The following TMEM132B variants were observed in gnomAD, a reference collection of about 807,000 sequenced individuals.
TMEM132B encodes transmembrane protein 132B.
A neutral mutation model predicts 90.8 loss-of-function variants in TMEM132B; 18 were observed. The ratio of observed to expected loss-of-function variants is 0.20; its 90% CI spans 0.14 to 0.29. The LOEUF (loss-of-function observed/expected upper bound fraction) is 0.29, where lower values mean the gene tolerates loss of function less well. TMEM132B is among the 10% of genes least tolerant of loss of function. The probability of loss-of-function intolerance (pLI) is 1.00; values close to 1 mark genes in which losing one functional copy is unlikely to be tolerated. For synonymous variants in TMEM132B, 504 were observed against 523.3 expected (o/e 0.96, Z 0.50); for missense variants, 1,096 against 1,326.8 (o/e 0.83, Z 2.70).
At chr12:125,316,663 T>TG (rs542930965) in intron 1 of TMEM132B, among the ~76,000 whole-genome samples, 97 of 142,316 alleles carry the variant, frequency 6.8e-4, no homozygotes, top group Non-Finnish European at 1.0e-3. Flanking sequence ...TATAAAGACC[T>TG]GGGGCAGCTC....
At chr12:125,586,726 C>T (rs1333853902) in intron 5 of TMEM132B, 1 of 152,132 alleles carries the variant, frequency 6.6e-6, no homozygotes, top group African/African-American at 2.4e-5. Context: ...TGCTTGTGTT[C>T]AAGTCACCCT....
intron 5 of TMEM132B, among the ~76,000 whole-genome samples, chr12:125,604,286 G>A (rs1031590400): frequency 6.6e-6 from 1 of 151,876 alleles, no homozygotes; most frequent in South Asian, 2.1e-4. Flanking sequence ...ATGAGACTGT[G>A]TCCTTTTCAG....
chr12:125,473,475 C>T (rs956258565), intron 3 of TMEM132B, among the ~76,000 whole-genome samples: 2 of 152,240 alleles, frequency 1.3e-5, no homozygotes, highest in Non-Finnish European at 2.9e-5. Flanking sequence ...GACTTCCCAG[C>T]AGCTATCAAA....
intron 3 of TMEM132B, among the ~76,000 whole-genome samples, chr12:125,503,211 C>T (rs931768210): frequency 3.9e-5 from 6 of 152,166 alleles, no homozygotes; most frequent in East Asian, 3.9e-4. Flanking sequence ...GAGGCCCAAG[C>T]GCAGCCCCCT....
intron 2 of TMEM132B, among the ~76,000 whole-genome samples, chr12:125,372,845 C>A (rs551316168): frequency 6.6e-6 from 1 of 152,180 alleles, no homozygotes; most frequent in Admixed American, 6.5e-5. Flanking sequence ...GCCACACACA[C>A]CGTCTTTTCT....
chr12:125,240,622 G>A (rs898119390), intron 1 of TMEM132B, among the ~76,000 whole-genome samples: 16 of 152,210 alleles, frequency 1.1e-4, no homozygotes, highest in Admixed American at 9.2e-4. Context: ...AAAAGGACAT[G>A]CACCTTACTC....
intron 3 of TMEM132B, among the ~76,000 whole-genome samples, chr12:125,454,343 A>G (rs112889404): frequency 9.9e-4 from 151 of 152,112 alleles, no homozygotes; most frequent in African/African-American, 3.3e-3. Context: ...ACGCAGAAAG[A>G]TGGCAAAAGG....
rs568127539 is a variant in TMEM132B, at chr12:125,407,444, G to C, written c.960-8087G>C. On this transcript the variant is annotated intron_variant, in intron 2 of 8. Coordinates refer to ENST00000682704, the MANE Select transcript of TMEM132B (RefSeq NM_001366854.1). This position sits in a 1 kb window ranked among gnomAD's most constrained non-coding sequence, Gnocchi z 6.7. ...CACAGAGCAGGTTTCCTTTTGCCCA[G>C]CTAGGTGGTGGATGCTATGGGCTGG... Among the ~76,000 whole-genome samples the C allele has an allele frequency of 1.9e-4, 29 of 152,356 alleles. No individual in the cohort carries two copies. Among genetic ancestry groups the C allele is most frequent in the African/African-American group, 6.5e-4 (27 of 41,588 alleles).
At chr12:125,625,132 T>A (rs1886201800) in intron 5 of TMEM132B, among the ~76,000 whole-genome samples, 1 of 128,116 alleles carries the variant, frequency 7.8e-6, no homozygotes, top group South Asian at 2.7e-4. Flanking sequence ...TTTGACTTCT[T>A]TTTTTTTTTT....
rs1874327909 is a variant in TMEM132B, at chr12:125,252,034, T to G, written c.67+65168T>G. On this transcript the variant is annotated intron_variant, in intron 1 of 8. Transcript: ENST00000682704. The stretch of plus-strand genomic sequence containing the variant: ...ACTGGGGAGAGTTGTATGTGAAGCC[T>G]TCTTACAAAGAGGTGGTCTTCCTCT... 5.3e-5 allele frequency among the ~76,000 whole-genome samples: 8 copies of G among 152,314 alleles called. No individual in the cohort carries two copies. In the South Asian group the frequency reaches 1.5e-3, roughly 28 times the overall value.
intron 1 of TMEM132B, among the ~76,000 whole-genome samples, chr12:125,215,113 C>A (rs757694935): frequency 5.9e-5 from 9 of 152,234 alleles, no homozygotes; most frequent in South Asian, 2.1e-4. Context: ...CCTGATGCTC[C>A]TCCACTTCTG....
chr12:125,380,188 G>A (rs558091045), intron 2 of TMEM132B, among the ~76,000 whole-genome samples: 6 of 152,248 alleles, frequency 3.9e-5, no homozygotes, highest in African/African-American at 1.4e-4. Flanking sequence ...TTCTGAGGGA[G>A]AATATGTCCC....
At chr12:125,523,882 C>T (rs1326654330) in intron 4 of TMEM132B, among the ~76,000 whole-genome samples, 2 of 152,228 alleles carry the variant, frequency 1.3e-5, no homozygotes, top group Non-Finnish European at 2.9e-5. Context: ...TTGTGCTTGG[C>T]TCTTCCAGAG....
intron 4 of TMEM132B, among the ~76,000 whole-genome samples, chr12:125,560,831 CAAAA>C (rs58083131): frequency 1.0e-4 from 3 of 29,256 alleles, no homozygotes; most frequent in African/African-American, 3.7e-4. Context: ...GACTCTGTCT[CAAAA>C]AAAAAAAAAA....
intron 3 of TMEM132B, among the ~76,000 whole-genome samples, chr12:125,482,966 A>G (rs564442589): frequency 2.0e-5 from 3 of 152,200 alleles, no homozygotes; most frequent in South Asian, 2.1e-4. Flanking sequence ...GAAGCTGGAA[A>G]CCATCATTCT....
At chr12:125,244,341 G>C (rs1182640504) in intron 1 of TMEM132B, among the ~76,000 whole-genome samples, 3 of 152,212 alleles carry the variant, frequency 2.0e-5, no homozygotes, top group South Asian at 2.1e-4. Flanking sequence ...GAGGCTCAGT[G>C]CTTCTGGAGT....
In TMEM132B at chr12:125,650,823, T is replaced by C; in HGVS notation, c.1784T>C (p.Leu595Pro). The change falls in exon 7 of 9, where the codon CTG becomes CCG. Residue 595 changes from leucine to proline, a missense_variant. By Grantham distance (98) the Leu-to-Pro change is moderately conservative (BLOSUM62 -3). Coordinates refer to ENST00000682704, the MANE Select transcript of TMEM132B (RefSeq NM_001366854.1). ...GACTTAGGGCAGCTGACCTACATGC[T>C]GGGCCCCGACTGGCAGTTTGACATC... ...SPDLGQLTYM[L>P]GPDWQFDITD... 1 of 1,614,222 alleles carries C rather than the reference T, an allele frequency of 6.2e-7. No individual in the cohort carries two copies.
At chr12:125,335,975 A>G (rs1031544132) in intron 1 of TMEM132B, among the ~76,000 whole-genome samples, 2 of 152,200 alleles carry the variant, frequency 1.3e-5, no homozygotes, top group Non-Finnish European at 2.9e-5. Flanking sequence ...CGACAGAGCA[A>G]GACTCCCCCT....
rs1875014208 is a variant in TMEM132B at position 125,277,175 on chromosome 12, G to A, written c.68-72277G>A. On this transcript the variant is annotated intron_variant, in intron 1 of 8. Transcript: ENST00000682704. The surrounding 1 kb of genome is among the most constrained non-coding windows in gnomAD (Gnocchi z 4.3). Reference sequence around the variant, plus strand: ...TGGGCCCTAATCCCATATGACTGGTGTCCTTAGATGAAGAGGGAGAACAGG... The same window carrying A: ...TGGGCCCTAATCCCATATGACTGGTATCCTTAGATGAAGAGGGAGAACAGG... 6.6e-6 allele frequency among the ~76,000 whole-genome samples: 1 copy of A among 152,136 alleles called. No homozygotes were observed. Among genetic ancestry groups the A allele is most frequent in the Non-Finnish European group, 1.5e-5 (1 of 68,032 alleles).
Sources: allele counts gnomAD v4.1 joint callset (sites outside exome capture counted in the v4.1 genomes callset), GRCh38; gene constraint gnomAD v4.1.1; non-coding constraint Gnocchi (gnomAD v3.1); transcripts MANE v1.5; gene names NCBI Gene and HGNC (gene_info 2026-07-23, HGNC 2026-07-21).